WWOX: variants seen among roughly 807,000 people sequenced by gnomAD.
WWOX encodes the protein WW domain containing oxidoreductase.
In WWOX, 69 loss-of-function variants were observed where a neutral mutation model predicts 46.2. The ratio of observed to expected loss-of-function variants is 1.49; its 90% CI spans 1.23 to 1.82. The LOEUF (loss-of-function observed/expected upper bound fraction) is 1.82, where lower values mean the gene tolerates loss of function less well. Ranked by LOEUF, WWOX falls within the 40% of genes most tolerant of loss-of-function variation. WWOX has a pLI of 0.00. For synonymous variants in WWOX, 359 were observed against 202.6 expected (o/e 1.77, Z -6.56); for missense variants, 919 against 542.6 (o/e 1.69, Z -6.89).
At chr16:78,576,045 A>G (rs1338528708) in intron 8 of WWOX, among the ~76,000 whole-genome samples, 1 of 152,144 alleles carries the variant, frequency 6.6e-6, no homozygotes. Context: ...AATCTAGAAT[A>G]TATGGAAATC....
At chr16:78,123,354 T>G (rs1025556634) in intron 4 of WWOX, 2 of 151,994 alleles carry the variant, frequency 1.3e-5, no homozygotes, top group Admixed American at 6.6e-5. Flanking sequence ...AAGTGGAAAT[T>G]GTAATATTTA....
At chr16:78,309,196 G>T (rs113409555) in intron 5 of WWOX, among the ~76,000 whole-genome samples, 1 of 152,200 alleles carries the variant, frequency 6.6e-6, no homozygotes, top group Non-Finnish European at 1.5e-5. Flanking sequence ...CCAGGTGGAT[G>T]TAATTGAATC....
rs536481442 is a variant in WWOX at position 78,834,068 on chromosome 16, A to G, written c.1057-377540A>G. Among the ~76,000 whole-genome samples the G allele has an allele frequency of 4.6e-5, 7 of 152,352 alleles. No homozygotes were observed. The East Asian group carries it at 9.7e-4, about 21-fold the overall frequency. On this transcript the variant is annotated intron_variant, in intron 8 of 8. Coordinates refer to ENST00000566780, the MANE Select transcript of WWOX (RefSeq NM_016373.4). Reference sequence around the variant, plus strand: ...TCAGTCAAATCAGAACACTGCTCACACATGCATCCCAAGTCCAGCTGTCGA... The same window carrying G: ...TCAGTCAAATCAGAACACTGCTCACGCATGCATCCCAAGTCCAGCTGTCGA...
intron 8 of WWOX, among the ~76,000 whole-genome samples, chr16:78,706,899 G>A (rs1326882854): frequency 6.6e-6 from 1 of 152,152 alleles, no homozygotes; most frequent in Non-Finnish European, 1.5e-5. Flanking sequence ...CTGGGCCCAA[G>A]CAGTGTTCCC....
intron 7 of WWOX, among the ~76,000 whole-genome samples, chr16:78,426,733 G>C (rs1011445478): frequency 6.6e-6 from 1 of 152,146 alleles, no homozygotes; most frequent in South Asian, 2.1e-4. Flanking sequence ...GCATGATCTC[G>C]GCTCACCACA....
intron 5 of WWOX, among the ~76,000 whole-genome samples, chr16:78,315,950 T>C (rs1341477323): frequency 1.3e-5 from 2 of 152,120 alleles, no homozygotes; most frequent in Non-Finnish European, 1.5e-5. Flanking sequence ...GTTTTTGTTG[T>C]AAGTGGCACT....
rs141591649 is a variant in WWOX, at chr16:78,950,533, T to TACACACAC, written c.1057-261050_1057-261043dup. Among the ~76,000 whole-genome samples the TACACACAC allele has an allele frequency of 3.1e-3, 450 of 147,052 alleles. 2 individuals are homozygous for TACACACAC. The highest frequency in any genetic ancestry group is 6.8e-3 in the African/African-American group (272 of 39,880). On this transcript the variant is annotated intron_variant, in intron 8 of 8. Transcript: ENST00000566780. ...TATTAAAGGAACACACACACACACA[T>TACACACAC]ACACACACACACACACACACACACA... is the stretch of plus-strand genomic sequence containing the variant.
At position 78,167,240 on chromosome 16, in the gene WWOX, A is replaced by G. The variant is rs925850421; in HGVS notation, c.516+2951A>G. On this transcript the variant is annotated intron_variant, in intron 5 of 8. Transcript: ENST00000566780. The stretch of plus-strand genomic sequence containing the variant: ...AGCAGAAATTCCTGGACCTGCCCCA[A>G]TTAGCGATGAGACCTTGGGTAAGCC... 4 of 152,154 alleles carry G rather than the reference A, an allele frequency of 2.6e-5. No homozygotes were observed. The South Asian group carries it at 6.2e-4, about 24-fold the overall frequency. 9.4% of individuals were successfully genotyped at this position (152,154 alleles called of 1,614,324 possible).
chr16:78,245,341 G>T (rs558324862), intron 5 of WWOX, among the ~76,000 whole-genome samples: 1 of 152,104 alleles, frequency 6.6e-6, no homozygotes, highest in Non-Finnish European at 1.5e-5. Flanking sequence ...CCATGGCCAC[G>T]AACATCTTTG....
At chr16:78,183,058 T>C (rs1470748336) in intron 5 of WWOX, among the ~76,000 whole-genome samples, 4 of 151,788 alleles carry the variant, frequency 2.6e-5, no homozygotes, top group Non-Finnish European at 5.9e-5. Flanking sequence ...ACGGATCACA[T>C]AGTGCATTGA....
At chr16:79,020,248 G>A (rs891554031) in intron 8 of WWOX, among the ~76,000 whole-genome samples, 8 of 152,246 alleles carry the variant, frequency 5.3e-5, no homozygotes, top group African/African-American at 1.2e-4. Flanking sequence ...GCAAGGCGCA[G>A]TGCTGGATGG....
At chr16:78,312,587 C>G (rs1404435544) in intron 5 of WWOX, among the ~76,000 whole-genome samples, 2 of 152,112 alleles carry the variant, frequency 1.3e-5, no homozygotes, top group African/African-American at 4.8e-5. Flanking sequence ...GTTGGCTAGG[C>G]TGGTGTCGAA....
intron 8 of WWOX, among the ~76,000 whole-genome samples, chr16:78,658,914 A>C (rs932558898): frequency 4.7e-5 from 7 of 149,436 alleles, no homozygotes; most frequent in Admixed American, 2.0e-4. Context: ...CAAAATGGCA[A>C]AACCCCTTCT....
At chr16:78,637,112 C>A (rs568562169) in intron 8 of WWOX, among the ~76,000 whole-genome samples, 2 of 152,116 alleles carry the variant, frequency 1.3e-5, no homozygotes, top group Non-Finnish European at 2.9e-5. Context: ...CATCACACTG[C>A]CTGCATTTTC....
chr16:78,590,133 T>C (rs1033608401), intron 8 of WWOX, among the ~76,000 whole-genome samples: 5 of 112,454 alleles, frequency 4.4e-5, no homozygotes, highest in African/African-American at 1.4e-4. Flanking sequence ...GTCTGATAGA[T>C]ATTAGGCATT....
chr16:78,967,435 C>CA (rs1465075904), intron 8 of WWOX, among the ~76,000 whole-genome samples: 2 of 148,538 alleles, frequency 1.3e-5, no homozygotes, highest in Non-Finnish European at 3.0e-5. Flanking sequence ...AAGTATGCAC[C>CA]AACATGCCTG....
In WWOX at chr16:78,405,906, C is replaced by T. The variant is rs77079973; in HGVS notation, c.605+18958C>T. The stretch of plus-strand genomic sequence containing the variant: ...ACGAAGTGAGTTTTCCCTGTCACGC[C>T]ATCTTATCTGTCACATACCTCTCTG... On this transcript the variant is annotated intron_variant, in intron 6 of 8. Transcript: ENST00000566780. Among the ~76,000 whole-genome samples the T allele has an allele frequency of 3.1e-4, 47 of 152,164 alleles. 1 individual carries two copies. The East Asian group carries it at 8.5e-3, about 28-fold the overall frequency.
At chr16:78,915,544 C>T (rs915643863) in intron 8 of WWOX, among the ~76,000 whole-genome samples, 1 of 152,090 alleles carries the variant, frequency 6.6e-6, no homozygotes, top group Non-Finnish European at 1.5e-5. Context: ...TAGCAGGGGA[C>T]TGGGCATTTG....
intron 8 of WWOX, among the ~76,000 whole-genome samples, chr16:78,968,212 A>G (rs1029635397): frequency 1.3e-5 from 2 of 150,792 alleles, no homozygotes; most frequent in African/African-American, 5.0e-5. Context: ...GGCACAGCAC[A>G]TGGACATGAT....
Sources: allele counts gnomAD v4.1 joint callset (sites outside exome capture counted in the v4.1 genomes callset), GRCh38; gene constraint gnomAD v4.1.1; transcripts MANE v1.5; gene names NCBI Gene and HGNC (gene_info 2026-07-23, HGNC 2026-07-21).